The following ATP6V1H variants were observed in gnomAD, a reference collection of about 807,000 sequenced individuals.
ATP6V1H encodes the protein ATPase H+ transporting V1 subunit H, also known as V-type proton ATPase subunit H.
ATP6V1H carries 39 observed loss-of-function variants against 71.7 expected under a neutral mutation model. The ratio of observed to expected loss-of-function variants is 0.54; its 90% confidence interval spans 0.42 to 0.71. The LOEUF is 0.71. Ranked by LOEUF, ATP6V1H falls within the 30% of genes least tolerant of loss-of-function variation. ATP6V1H has a pLI of 0.00. For synonymous variants in ATP6V1H, 192 were observed against 199.3 expected, an observed-to-expected ratio of 0.96 and a Z score of 0.31; for missense variants, 509 against 594.9, an observed-to-expected ratio of 0.86 and a Z score of 1.50.
At chr8:53,725,860 C>T (rs1046986200) in intron 13 of ATP6V1H, among the ~76,000 whole-genome samples, 2 of 152,038 alleles carry the variant, frequency 1.3e-5, no homozygotes, top group Admixed American at 6.6e-5. Context: ...CTCTAAGTTT[C>T]AAACTGCATG....
intron 7 of ATP6V1H, chr8:53,806,825 G>A (rs1001594845): frequency 8.4e-5 from 38 of 454,952 alleles, no homozygotes; most frequent in Admixed American, 1.9e-4. Flanking sequence ...ATAATCAAGT[G>A]TTGAACAGCT....
At chr8:53,766,320 AC>A (rs1585762516) in intron 11 of ATP6V1H, among the ~76,000 whole-genome samples, 1 of 152,158 alleles carries the variant, frequency 6.6e-6, no homozygotes, top group Non-Finnish European at 1.5e-5. Flanking sequence ...CCCAATCAAT[AC>A]CCTTGTGATT....
intron 4 of ATP6V1H, among the ~76,000 whole-genome samples, chr8:53,818,436 G>A (rs909921596): frequency 6.6e-6 from 1 of 152,076 alleles, no homozygotes; most frequent in Non-Finnish European, 1.5e-5. Flanking sequence ...ATATAGTGGG[G>A]TTTTTTGGTT....
At chr8:53,790,069 C>CA (rs1414789542) in intron 9 of ATP6V1H, among the ~76,000 whole-genome samples, 1 of 152,188 alleles carries the variant, frequency 6.6e-6, no homozygotes, top group Non-Finnish European at 1.5e-5. Context: ...TTAACAACTT[C>CA]CAATTTAGAC....
intron 2 of ATP6V1H, among the ~76,000 whole-genome samples, chr8:53,840,368 G>A (rs1258096936): frequency 6.6e-6 from 1 of 152,006 alleles, no homozygotes; most frequent in East Asian, 1.9e-4. Context: ...CAAGGTGTCA[G>A]GTGCCTGTAA....
chr8:53,781,637 T>A (rs1002109902), intron 9 of ATP6V1H, among the ~76,000 whole-genome samples: 17 of 152,106 alleles, frequency 1.1e-4, no homozygotes, highest in Admixed American at 1.3e-4. Context: ...CTGAATGGTA[T>A]TGCCTAGGTT....
chr8:53,806,887 G>A, intron 7 of ATP6V1H: 1 of 453,764 alleles, frequency 2.2e-6, no homozygotes, highest in Non-Finnish European at 4.4e-6. Flanking sequence ...ATGGTCATAT[G>A]GATACTTCAT....
At chr8:53,731,861 G>A (rs1322407442) in intron 13 of ATP6V1H, among the ~76,000 whole-genome samples, 2 of 152,260 alleles carry the variant, frequency 1.3e-5, no homozygotes, top group Admixed American at 6.5e-5. Flanking sequence ...CTTGAGCGAC[G>A]CAGATCCTGA....
At chr8:53,722,230 T>C (rs1316968186) in intron 13 of ATP6V1H, among the ~76,000 whole-genome samples, 1 of 152,188 alleles carries the variant, frequency 6.6e-6, no homozygotes, top group Non-Finnish European at 1.5e-5. Context: ...GCATCTTCTG[T>C]GCTTCATGGC....
intron 9 of ATP6V1H, among the ~76,000 whole-genome samples, chr8:53,776,031 G>A (rs892173227): frequency 2.0e-5 from 3 of 152,228 alleles, no homozygotes; most frequent in Admixed American, 6.5e-5. Flanking sequence ...CTGCAGTCCC[G>A]AGGCCTGCCC....
chr8:53,769,585 T>C (rs1808583979), intron 11 of ATP6V1H, 33 bp downstream of exon 11: 1 of 1,594,956 alleles, frequency 6.3e-7, no homozygotes, highest in South Asian at 1.1e-5. Flanking sequence ...GGATAACAGA[T>C]ATTAAGAGTG....
Position 53,801,867 on chromosome 8 carries a change from C to A in ATP6V1H, c.609G>T (p.Gly203=). 1 of 1,613,968 alleles carries A rather than the reference C, an allele frequency of 6.2e-7. No individual in the cohort carries two copies. The highest frequency in any genetic ancestry group is 8.5e-7 in the Non-Finnish European group (1 of 1,179,960). Reference sequence around the variant, plus strand: ...TGACCCGGAGCATCAGCTGCAAACACCCGGCCACGCACTGCACATACTGCG... The same window carrying A: ...TGACCCGGAGCATCAGCTGCAAACAACCGGCCACGCACTGCACATACTGCG... ...DSSQYVQCVA[G]CLQLMLRVNE... is the part of the protein sequence containing the mutation. The change falls in exon 8 of 14, where the codon GGG becomes GGT. Residue 203 remains glycine, a synonymous_variant. Transcript: ENST00000359530.
intron 13 of ATP6V1H, among the ~76,000 whole-genome samples, chr8:53,724,109 C>A (rs1479095748): frequency 6.6e-6 from 1 of 152,056 alleles, no homozygotes; most frequent in South Asian, 2.1e-4. Flanking sequence ...CTGGGCAATG[C>A]CTATGCCATC....
At chr8:53,734,437 C>T (rs1807127160) in intron 13 of ATP6V1H, among the ~76,000 whole-genome samples, 1 of 152,130 alleles carries the variant, frequency 6.6e-6, no homozygotes, top group Admixed American at 6.5e-5. Flanking sequence ...CCAATCATTG[C>T]CCCAGGGTAC....
At chr8:53,832,826 A>T (rs1811050491) in intron 3 of ATP6V1H, 158 bp downstream of exon 3, 1 of 451,330 alleles carries the variant, frequency 2.2e-6, no homozygotes, top group African/African-American at 2.0e-5. Context: ...ATTCTAAGAA[A>T]ATATTCAGAA....
intron 6 of ATP6V1H, among the ~76,000 whole-genome samples, chr8:53,811,589 G>C (rs1015706462): frequency 6.6e-6 from 1 of 152,116 alleles, no homozygotes; most frequent in Admixed American, 6.6e-5. Context: ...ACTATATTCT[G>C]TAGCAAAGCT....
intron 12 of ATP6V1H, among the ~76,000 whole-genome samples, chr8:53,743,995 C>T (rs1807506931): frequency 6.6e-6 from 1 of 152,112 alleles, no homozygotes; most frequent in African/African-American, 2.4e-5. Flanking sequence ...TTCTAAGTGG[C>T]TGAGTATTAA....
At chr8:53,766,352 T>G (rs2130298938) in intron 11 of ATP6V1H, among the ~76,000 whole-genome samples, 1 of 152,386 alleles carries the variant, frequency 6.6e-6, no homozygotes, top group Admixed American at 6.5e-5. Context: ...GTCTTTAATT[T>G]AATCTCTTAA....
At chr8:53,733,327 C>T (rs1353389233) in intron 13 of ATP6V1H, among the ~76,000 whole-genome samples, 1 of 152,164 alleles carries the variant, frequency 6.6e-6, no homozygotes, top group Non-Finnish European at 1.5e-5. Flanking sequence ...TACACTTGGA[C>T]CTGGCTTCCC....
Sources: allele counts gnomAD v4.1 joint callset (sites outside exome capture counted in the v4.1 genomes callset), GRCh38; gene constraint gnomAD v4.1.1; transcripts MANE v1.5; gene names NCBI Gene and HGNC (gene_info 2026-07-23, HGNC 2026-07-21).